SCAPER: variants seen among roughly 807,000 people sequenced by gnomAD.
The protein encoded by SCAPER is S-phase cyclin A associated protein in the ER, also known as S phase cyclin A-associated protein in the endoplasmic reticulum.
Under a neutral mutation model 182.2 loss-of-function variants are expected in SCAPER, and 98 were observed. The ratio of observed to expected loss-of-function variants is 0.54; its 90% CI spans 0.46 to 0.64. SCAPER has a LOEUF of 0.64. Ranked by LOEUF, SCAPER falls within the 30% of genes least tolerant of loss-of-function variation. The pLI is 0.00. For missense variants in SCAPER, 1,432 were observed against 1,690.0 expected, an observed-to-expected ratio of 0.85 and a Z score of 2.68; for synonymous variants, 605 against 564.6, an observed-to-expected ratio of 1.07 and a Z score of -1.01.
At chr15:76,658,499 A>G (rs2055856727) in intron 21 of SCAPER, among the ~76,000 whole-genome samples, 2 of 152,228 alleles carry the variant, frequency 1.3e-5, no homozygotes, top group African/African-American at 4.8e-5. Flanking sequence ...AGCAATTTAT[A>G]GATTCAATTC....
At chr15:76,626,556 A>G (rs1567637094) in intron 21 of SCAPER, among the ~76,000 whole-genome samples, 2 of 152,166 alleles carry the variant, frequency 1.3e-5, no homozygotes, top group Admixed American at 6.5e-5. Flanking sequence ...GTCTCTACTA[A>G]AAATACAAAA....
chr15:76,712,944 T>C (rs1466523269), intron 17 of SCAPER, among the ~76,000 whole-genome samples: 2 of 152,214 alleles, frequency 1.3e-5, no homozygotes, highest in Non-Finnish European at 1.5e-5. Context: ...TTCTCCAGTC[T>C]GACTGCCCTG....
At chr15:76,566,068 C>G (rs1354012978) in intron 23 of SCAPER, among the ~76,000 whole-genome samples, 2 of 152,054 alleles carry the variant, frequency 1.3e-5, no homozygotes, top group Non-Finnish European at 2.9e-5. Flanking sequence ...TGGGCAGTGT[C>G]TAGCAGGATC....
intron 21 of SCAPER, among the ~76,000 whole-genome samples, chr15:76,664,797 C>T (rs1486267106): frequency 6.6e-6 from 1 of 152,134 alleles, no homozygotes; most frequent in African/African-American, 2.4e-5. Context: ...AAAGCCTTTT[C>T]TATTCTTTGA....
intron 21 of SCAPER, among the ~76,000 whole-genome samples, chr15:76,639,284 T>C (rs1215041156): frequency 6.6e-6 from 1 of 152,184 alleles, no homozygotes; most frequent in African/African-American, 2.4e-5. Flanking sequence ...TTACTAATGA[T>C]TGCTCTCAGG....
intron 21 of SCAPER, among the ~76,000 whole-genome samples, chr15:76,652,881 T>A (rs949565638): frequency 1.3e-5 from 2 of 151,924 alleles, no homozygotes; most frequent in South Asian, 2.1e-4. Flanking sequence ...GCCAGGGCAA[T>A]CAGGAAAGAG....
intron 15 of SCAPER, among the ~76,000 whole-genome samples, chr15:76,743,680 A>C (rs2061658410): frequency 1.3e-5 from 2 of 152,200 alleles, no homozygotes; most frequent in Admixed American, 1.3e-4. Context: ...TCCCATGTGC[A>C]TGTATTAGAA....
chr15:76,461,712 C>A (rs946117020), intron 25 of SCAPER, among the ~76,000 whole-genome samples: 1 of 152,114 alleles, frequency 6.6e-6, no homozygotes, highest in African/African-American at 2.4e-5. Flanking sequence ...ACATCTGTGT[C>A]ATCTCAGGAT....
In SCAPER at chr15:76,869,938, T is replaced by C. The variant is rs115205929; in HGVS notation, c.7-7405A>G. 3.3e-5 allele frequency among the ~76,000 whole-genome samples: 5 copies of C among 152,300 alleles called. No individual in the cohort carries two copies. In the South Asian group the frequency reaches 1.0e-3, roughly 32 times the overall value. The stretch of plus-strand genomic sequence containing the variant: ...TGAAAAAGAATAAAATCCTGTCACT[T>C]GCAACAACATAGATGGAACTGGAGG... On this transcript the variant is annotated intron_variant, in intron 2 of 31. Transcript: ENST00000563290.
intron 30 of SCAPER, among the ~76,000 whole-genome samples, chr15:76,352,332 G>A (rs1327862617): frequency 6.6e-6 from 1 of 151,688 alleles, no homozygotes; most frequent in Non-Finnish European, 1.5e-5. Flanking sequence ...AAAGATCTGT[G>A]AAGGCAGGAA....
chr15:76,364,548 G>A (rs2041677820), intron 29 of SCAPER, among the ~76,000 whole-genome samples: 1 of 152,194 alleles, frequency 6.6e-6, no homozygotes, highest in African/African-American at 2.4e-5. Context: ...AACTGAGTGA[G>A]ATGGCCCCTG....
chr15:76,545,679 G>A (rs1597318387), intron 23 of SCAPER, among the ~76,000 whole-genome samples: 1 of 152,080 alleles, frequency 6.6e-6, no homozygotes, highest in African/African-American at 2.4e-5. Flanking sequence ...TAATCACCCT[G>A]GCTTTTTGAA....
intron 1 of SCAPER, among the ~76,000 whole-genome samples, chr15:76,902,792 C>T (rs2074861535): frequency 6.6e-6 from 1 of 152,196 alleles, no homozygotes; most frequent in Non-Finnish European, 1.5e-5. Context: ...TGCAGTGGCG[C>T]ACGCCTGTAA....
chr15:76,429,137 G>A (rs933562062), intron 26 of SCAPER, among the ~76,000 whole-genome samples: 11 of 151,804 alleles, frequency 7.2e-5, no homozygotes, highest in Admixed American at 3.9e-4. Context: ...CACCATCCAC[G>A]TAAGTTGTGA....
intron 20 of SCAPER, among the ~76,000 whole-genome samples, chr15:76,668,625 C>T (rs2056793854): frequency 6.6e-6 from 1 of 152,196 alleles, no homozygotes; most frequent in South Asian, 2.1e-4. Flanking sequence ...TCTTAACATA[C>T]ACCCTCTATT....
intron 21 of SCAPER, among the ~76,000 whole-genome samples, chr15:76,660,380 G>A (rs1489110973): frequency 1.3e-5 from 2 of 151,958 alleles, no homozygotes; most frequent in Non-Finnish European, 1.5e-5. Context: ...AAATACCCCT[G>A]AACCTAAAAT....
At chr15:76,535,003 C>T (rs920626062) in intron 23 of SCAPER, among the ~76,000 whole-genome samples, 9 of 152,010 alleles carry the variant, frequency 5.9e-5, no homozygotes, top group Non-Finnish European at 1.3e-4. Flanking sequence ...CACTGCAAAA[C>T]ATGGTAATAA....
chr15:76,609,903 G>T (rs1327123975), intron 22 of SCAPER, among the ~76,000 whole-genome samples: 1 of 152,104 alleles, frequency 6.6e-6, no homozygotes, highest in Non-Finnish European at 1.5e-5. Context: ...ATGTGGAAGA[G>T]CATGGCTAAT....
At position 76,470,484 on chromosome 15, in the gene SCAPER, A is replaced by G. The variant is rs114675990; in HGVS notation, c.3078+728T>C. ...ATAGCTTGTAGTTTAAGGAAGAGTT[A>G]CTAGAACTGTGTGCTGAGTAAAAGT... is the stretch of plus-strand genomic sequence containing the variant. On this transcript the variant is annotated intron_variant, in intron 25 of 31. Transcript: ENST00000563290. 8.2e-3 allele frequency among the ~76,000 whole-genome samples: 1,246 copies of G among 152,302 alleles called. 13 individuals are homozygous for G. Among genetic ancestry groups the G allele is most frequent in the African/African-American group, 0.028 (1,182 of 41,576 alleles).
Sources: allele counts gnomAD v4.1 joint callset (sites outside exome capture counted in the v4.1 genomes callset), GRCh38; gene constraint gnomAD v4.1.1; transcripts MANE v1.5; gene names NCBI Gene and HGNC (gene_info 2026-07-23, HGNC 2026-07-21).